ABCA2: variants seen among roughly 807,000 people sequenced by gnomAD.
The protein encoded by ABCA2 is ATP binding cassette subfamily A member 2.
ABCA2 carries 84 observed loss-of-function variants against 262.8 expected under a neutral mutation model. That is an observed-to-expected ratio of 0.32 (90% CI 0.27 to 0.38). The LOEUF is 0.38. Among genes scored for constraint, ABCA2 ranks in the 10% least tolerant of loss-of-function variants. ABCA2 has a pLI of 1.00. For missense variants in ABCA2, 2,662 were observed against 3,405.9 expected (o/e 0.78, Z 5.44); for synonymous variants, 1,696 against 1,502.9 (o/e 1.13, Z -2.97).
chr9:137,021,550 G>C lies in ABCA2; in HGVS notation c.739C>G (p.Leu247Val). The change falls in exon 8 of 49, where the codon CTG becomes GTG. Residue 247 changes from leucine (L) to valine (V), a missense_variant. Physicochemically the swap from Leu to Val is conservative, Grantham distance 32. Transcript: ENST00000341511. This position sits in a 1 kb window ranked among gnomAD's most constrained non-coding sequence, Gnocchi z 6.0. ...QLTCTPGSGE[L>V]GRILTVPESQ... ...TCAGGCACAGTGAGGATCCGGCCCA[G>C]CTCCCCCGAGCCCGGCGTGCAGGTG... 6.3e-7 allele frequency: 1 copy of C among 1,587,756 alleles called. No individual in the cohort carries two copies. Among genetic ancestry groups the C allele is most frequent in the Non-Finnish European group, 8.6e-7 (1 of 1,168,050 alleles).
intron 10 of ABCA2, 48 bp downstream of exon 10, chr9:137,020,288 C>T: frequency 1.2e-6 from 2 of 1,606,448 alleles, no homozygotes; most frequent in South Asian, 1.1e-5. Flanking sequence ...CTGCAGAGAC[C>T]CCCTCCCACT....
At position 137,009,585 on chromosome 9, in the gene ABCA2, A is replaced by T; in HGVS notation, c.6690T>A (p.Leu2230=). The change falls in exon 44 of 49, where the codon CTT becomes CTA. Residue 2230 remains leucine, a synonymous_variant. Coordinates refer to ENST00000341511, the MANE Select transcript of ABCA2 (RefSeq NM_001606.5). Reference sequence around the variant, plus strand: ...CTGAACGCCCTGTCTTGATGAGGTCAAGGATGAGGTTCCAGAGGAAGCGCC... The same window carrying T: ...CTGAACGCCCTGTCTTGATGAGGTCTAGGATGAGGTTCCAGAGGAAGCGCC... ...KARRFLWNLI[L]DLIKTGRSVV... is the part of the protein sequence containing the mutation. 6.2e-7 allele frequency: 1 copy of T among 1,612,724 alleles called. No individual in the cohort carries two copies. The highest frequency in any genetic ancestry group is 8.5e-7 in the Non-Finnish European group (1 of 1,179,864).
In ABCA2 at chr9:137,024,083, C is replaced by A. The variant is rs577628513; in HGVS notation, c.160+60G>T. The stretch of plus-strand genomic sequence containing the variant: ...CCCGTGTGCAGATGTGCACACACAG[C>A]GCAGGCGTGCGAGGTGCCGCGCTCC... On this transcript the variant is annotated intron_variant, in intron 2 of 48. Coordinates refer to ENST00000341511, the MANE Select transcript of ABCA2 (RefSeq NM_001606.5). 19 of 1,543,026 alleles carry A rather than the reference C, an allele frequency of 1.2e-5. No homozygotes were observed. The East Asian group carries it at 4.0e-4, about 33-fold the overall frequency.
rs758163604 is a variant in ABCA2, at chr9:137,009,536, CT to C, written c.6734+4del. On this transcript the variant is annotated splice_donor_region_variant and intron_variant, in intron 44 of 48. Coordinates refer to ENST00000341511, the MANE Select transcript of ABCA2 (RefSeq NM_001606.5). The stretch of plus-strand genomic sequence containing the variant: ...GGCACAAAGAGGGGGTGGGGGCGCC[CT>C]CACCTGTGTGATGTCAGCACCACTG... The C allele has an allele frequency of 6.2e-7, 1 of 1,612,666 alleles. No individual in the cohort carries two copies. The highest frequency in any genetic ancestry group is 2.2e-5 in the East Asian group (1 of 44,880).
In ABCA2 at chr9:137,009,734, G is replaced by C. The variant is rs375590437; in HGVS notation, c.6630+35C>G. The C allele has an allele frequency of 5.0e-6, 8 of 1,608,624 alleles. No homozygotes were observed. The South Asian group carries it at 8.8e-5, about 18-fold the overall frequency. On this transcript the variant is annotated intron_variant, in intron 43 of 48. Coordinates refer to ENST00000341511, the MANE Select transcript of ABCA2 (RefSeq NM_001606.5). ...GCCCGTGCTCACCAGGAAGTCAAAGGCCAGGCAGCCACCCCCCACCCACCC... is the reference window on the plus strand; with the variant it reads ...GCCCGTGCTCACCAGGAAGTCAAAGCCCAGGCAGCCACCCCCCACCCACCC...
In ABCA2 at chr9:137,014,945, C is replaced by T. The variant is rs772704029; in HGVS notation, c.3850G>A (p.Ala1284Thr). The part of the protein sequence containing the change: ...ELSYILPSEA[A>T]KKGAFERLFQ... ...AGGCGCTCGAAAGCCCCCTTCTTGG[C>T]GGCCTCGCTGGGCAGGATGTAGGAG... is the stretch of plus-strand genomic sequence containing the variant. The change falls in exon 25 of 49, where the codon GCC becomes ACC. Residue 1284 changes from alanine to threonine, a missense_variant. Around this residue, in one of 12 missense-constraint regions of ABCA2, gnomAD observed 297 missense variants for 286.5 expected, o/e 1.04. Coordinates refer to ENST00000341511, the MANE Select transcript of ABCA2 (RefSeq NM_001606.5). The T allele has an allele frequency of 1.5e-5, 24 of 1,564,436 alleles. No individual in the cohort carries two copies. Among genetic ancestry groups the T allele is most frequent in the East Asian group, 4.5e-5 (2 of 44,298 alleles).
chr9:137,010,825 T>C (rs1412018758), intron 39 of ABCA2, 88 bp from the exon 40 acceptor site: 13 of 1,469,768 alleles, frequency 8.8e-6, no homozygotes, highest in East Asian at 6.9e-5. Flanking sequence ...GGCTGTGGCA[T>C]GTAAGAAGGG....
chr9:137,010,894 C>A, intron 39 of ABCA2, 79 bp downstream of exon 39: 3 of 634,854 alleles, frequency 4.7e-6, no homozygotes, highest in Admixed American at 2.6e-5. Flanking sequence ...CCTGCCCCCA[C>A]CCCCGCCCCT....
upstream of ABCA2, chr9:137,028,867 C>G: frequency 3.0e-6 from 4 of 1,327,306 alleles, no homozygotes; most frequent in South Asian, 1.2e-5. This position sits in a 1 kb window ranked among gnomAD's most constrained non-coding sequence, Gnocchi z 6.9. Context: ...TCGTTTTTCT[C>G]CCCATATTCG....
At position 137,009,327 on chromosome 9, in the gene ABCA2, C is replaced by A. The variant is rs757469451; in HGVS notation, c.6827+43G>T. 1,266 of 1,069,584 alleles carry A rather than the reference C, an allele frequency of 1.2e-3. 4 individuals are homozygous for A. Among genetic ancestry groups the A allele is most frequent in the Non-Finnish European group, 1.3e-3 (945 of 729,780 alleles). The allele number at this position is 1,069,584 out of a possible 1,614,324, so 66.3% of individuals were successfully genotyped here. On this transcript the variant is annotated intron_variant, in intron 45 of 48. Transcript: ENST00000341511. Reference sequence around the variant, plus strand: ...CTGGCCCCGCTGCCTGGCCGCCCCCCCCGGGCCCGCCCCAGCCCACCCCTG... The same window carrying A: ...CTGGCCCCGCTGCCTGGCCGCCCCCACCGGGCCCGCCCCAGCCCACCCCTG...
Position 137,014,308 on chromosome 9 carries a change from G to A in ABCA2, c.4100C>T (p.Thr1367Ile). Residue 1367 changes from threonine (T) to isoleucine (I), a missense_variant, in exon 27 of 49, where the codon ACC (threonine) becomes ATC (isoleucine). By Grantham distance (89) the Thr-to-Ile change is moderately conservative. Around this residue, in one of 12 missense-constraint regions of ABCA2, gnomAD observed 297 missense variants for 286.5 expected, o/e 1.04. Transcript: ENST00000341511. ...CGACTGCAGCGATGCCTGCGACTGG[G>A]TCAGCTCCGAGCACCGGGCCAGATT... The part of the protein sequence containing the change: ...AGNLARCSEL[T>I]QSQASLQSAS... 1 of 1,610,480 alleles carries A rather than the reference G, an allele frequency of 6.2e-7. No individual in the cohort carries two copies. The highest frequency in any genetic ancestry group is 8.5e-7 in the Non-Finnish European group (1 of 1,179,058).
Position 137,014,281 on chromosome 9 carries a change from G to A in ABCA2, c.4127C>T (p.Ala1376Val), listed in dbSNP as rs769045170. Residue 1376 changes from alanine (A) to valine (V), a missense_variant, in exon 27 of 49, where the codon GCG (alanine) becomes GTG (valine). Ala to Val is a moderately conservative substitution (Grantham distance 64, BLOSUM62 0). This residue lies in a region of ABCA2 where 297 missense variants were observed against 286.5 expected (regional missense o/e 1.04). Transcript: ENST00000341511. Reference protein sequence around the residue: ...LTQSQASLQSASSVGSARGDE... With the variant: ...LTQSQASLQSVSSVGSARGDE... ...GCCACGGGCAGAGCCCACAGATGAC[G>A]CCGACTGCAGCGATGCCTGCGACTG... The A allele has an allele frequency of 2.6e-5, 42 of 1,611,170 alleles. No homozygotes were observed. Among genetic ancestry groups the A allele is most frequent in the Middle Eastern group, 1.6e-4 (1 of 6,082 alleles).
intron 42 of ABCA2, 21 bp downstream of exon 42, chr9:137,009,962 C>G: frequency 6.3e-7 from 1 of 1,594,864 alleles, no homozygotes; most frequent in Non-Finnish European, 8.6e-7. Context: ...TGACTCCCTG[C>G]CCCGCCCCAC....
chr9:137,018,611 A>G, intron 13 of ABCA2, 108 bp downstream of exon 13: 1 of 763,958 alleles, frequency 1.3e-6, no homozygotes. Context: ...TGAGGGGGGA[A>G]GGCCAGGGCG....
chr9:137,023,486 AAGGGAGAGT>A, intron 3 of ABCA2: 1 of 731,712 alleles, frequency 1.4e-6, no homozygotes, highest in East Asian at 2.6e-5. Flanking sequence ...AAGGAGTATG[AAGGGAGAGT>A]AGCCAGGCCG....
Position 137,014,782 on chromosome 9 carries a change from T to C in ABCA2, c.3911A>G (p.His1304Arg). ...QHLERSLDAL[H>R]LSSFGLMDTT... ...GTCCATCAGCCCGAAGCTGCTGAGG[T>C]GCAGTGCATCCAGGCTGCGCTCCAG... The change falls in exon 26 of 49, where the codon CAC becomes CGC. Residue 1304 changes from histidine (H) to arginine (R), a missense_variant. Coordinates refer to ENST00000341511, the MANE Select transcript of ABCA2 (RefSeq NM_001606.5). 1 of 1,601,040 alleles carries C rather than the reference T, an allele frequency of 6.2e-7. No individual in the cohort carries two copies. Among genetic ancestry groups the C allele is most frequent in the Non-Finnish European group, 8.5e-7 (1 of 1,174,998 alleles).
Position 137,020,715 on chromosome 9 carries a change from G to T in ABCA2, c.1244C>A (p.Pro415His). 1 of 1,600,948 alleles carries T rather than the reference G, an allele frequency of 6.2e-7. No individual in the cohort carries two copies. Reference protein sequence around the residue: ...AFVQLWAGLQPILCGNNRTIE... With the variant: ...AFVQLWAGLQHILCGNNRTIE... ...CTACCGGTTGTTGCCACACAAGATG[G>T]GCTGCAGGCCGGCCCAGAGCTGTAC... The change falls in exon 9 of 49, where the codon CCC becomes CAC. Residue 415 changes from proline to histidine, a missense_variant. By Grantham distance (77) the Pro-to-His change is moderately conservative. Transcript: ENST00000341511.
In ABCA2 at chr9:137,008,755, C is replaced by T. The variant is rs771778574; in HGVS notation, c.7044G>A (p.Ser2348=). The T allele has an allele frequency of 6.3e-6, 10 of 1,587,584 alleles. No homozygotes were observed. Among genetic ancestry groups the T allele is most frequent in the Middle Eastern group, 1.7e-4 (1 of 6,038 alleles). Reference sequence around the variant, plus strand: ...CATTGTCCAGTGTGGTCTGGCTGACCGAGTAGTCCTCGATGCCCAGCACGC... The same window carrying T: ...CATTGTCCAGTGTGGTCTGGCTGACTGAGTAGTCCTCGATGCCCAGCACGC... The part of the protein sequence containing the change: ...VSGVLGIEDY[S]VSQTTLDNVF... Residue 2348 remains serine, a synonymous_variant, in exon 47 of 49, where the codon TCG becomes TCA. Transcript: ENST00000341511.
In ABCA2 at chr9:137,022,344, G is replaced by C; in HGVS notation, c.567+7C>G. 1.3e-6 allele frequency: 2 copies of C among 1,598,464 alleles called. No individual in the cohort carries two copies. The highest frequency in any genetic ancestry group is 8.5e-7 in the Non-Finnish European group (1 of 1,173,226). ...GTGGCCAGGGCTGGGAGCTGTCCCT[G>C]CCTTACCTCGGGCGGGTCCACACGG... On this transcript the variant is annotated splice_region_variant and intron_variant, in intron 6 of 48. Coordinates refer to ENST00000341511, the MANE Select transcript of ABCA2 (RefSeq NM_001606.5).
Sources: allele counts gnomAD v4.1 joint callset, GRCh38; gene constraint gnomAD v4.1.1; regional missense constraint gnomAD v4.1.1; non-coding constraint Gnocchi (gnomAD v3.1); transcripts MANE v1.5; gene names NCBI Gene and HGNC (gene_info 2026-07-23, HGNC 2026-07-21).